The following ABCA4 variants were observed in gnomAD, a reference collection of about 807,000 sequenced individuals.
The protein encoded by ABCA4 is ATP binding cassette subfamily A member 4.
In ABCA4, 196 loss-of-function variants were observed where a neutral mutation model predicts 263.7. The observed-to-expected ratio is 0.74, with a 90% CI of 0.66 to 0.84. The LOEUF (loss-of-function observed/expected upper bound fraction) is 0.84. ABCA4 is among the 40% of genes least tolerant of loss of function. The pLI, the probability that ABCA4 is intolerant of heterozygous loss-of-function variation, is 0.00. For missense variants in ABCA4, 2,792 were observed against 2,855.1 expected, an observed-to-expected ratio of 0.98 and a Z score of 0.50; for synonymous variants, 1,133 against 1,094.2, an observed-to-expected ratio of 1.04 and a Z score of -0.70.
intron 11 of ABCA4, among the ~76,000 whole-genome samples, chr1:94,076,108 T>C (rs752767608): frequency 2.6e-5 from 4 of 152,194 alleles, no homozygotes; most frequent in African/African-American, 9.7e-5. Flanking sequence ...TTGTGTTTCT[T>C]CTTTTGGGGA....
chr1:94,113,197 A>G (rs1570434567), intron 1 of ABCA4, 131 bp from the exon 2 acceptor site: 3 of 832,398 alleles, frequency 3.6e-6, no homozygotes, highest in East Asian at 2.7e-5. Context: ...ATCTTTACCT[A>G]AACAGTTTCC....
chr1:94,001,280 G>A (rs1659173996), intron 45 of ABCA4, among the ~76,000 whole-genome samples, 175 bp from the exon 46 acceptor site: 1 of 152,188 alleles, frequency 6.6e-6, no homozygotes, highest in Admixed American at 6.5e-5. Context: ...GGCAGGAGGT[G>A]GATCCAAGAG....
At chr1:94,051,252 A>C (rs752899516) in intron 17 of ABCA4, among the ~76,000 whole-genome samples, 4 of 152,228 alleles carry the variant, frequency 2.6e-5, no homozygotes, top group Admixed American at 6.5e-5. Context: ...AGGCACAAGG[A>C]AGGCAATGGG....
rs12046206 is a variant in ABCA4 at position 94,099,333 on chromosome 1, G to A, written c.571-342C>T. 6.1e-4 allele frequency among the ~76,000 whole-genome samples: 93 copies of A among 152,306 alleles called. 1 individual carries two copies. In the East Asian group the frequency reaches 0.016, roughly 26 times the overall value. On this transcript the variant is annotated intron_variant, in intron 5 of 49. Transcript: ENST00000370225. Reference sequence around the variant, plus strand: ...GGCGTGTCTCTGGAGGCTGAAGGAGGCAGGAAAATGGATTTTTCTCTAGAA... The same window carrying A: ...GGCGTGTCTCTGGAGGCTGAAGGAGACAGGAAAATGGATTTTTCTCTAGAA...
rs566160638 is a variant in ABCA4 at position 94,057,179 on chromosome 1, T to A, written c.2161-357A>T. On this transcript the variant is annotated intron_variant, in intron 14 of 49. Transcript: ENST00000370225. ...GGACTTTCCACTTGAACCAATCAAATATTTGCTTTGTTTTTCTTTGTCTTG... is the reference window on the plus strand; with the variant it reads ...GGACTTTCCACTTGAACCAATCAAAAATTTGCTTTGTTTTTCTTTGTCTTG... 3.9e-5 allele frequency among the ~76,000 whole-genome samples: 6 copies of A among 152,276 alleles called. No homozygotes were observed. In the East Asian group the frequency reaches 1.2e-3, roughly 29 times the overall value.
rs781332563 is a variant in ABCA4, at chr1:94,042,878, A to G, written c.3211T>C (p.Ser1071Pro). Residue 1071 changes from serine to proline, a missense_variant, in exon 22 of 50, where the codon TCG becomes CCG. By Grantham distance (74) the Ser-to-Pro change is moderately conservative (BLOSUM62 -1). Coordinates refer to ENST00000370225, the MANE Select transcript of ABCA4 (RefSeq NM_000350.3). ...TCTCCCACAAAGGCAATGGCAACCG[A>G]CAGCTTTCTCTGCATGCCACCTGGA... Reference protein sequence around the residue: ...DLSGGMQRKLSVAIAFVGDAK... With the variant: ...DLSGGMQRKLPVAIAFVGDAK... 2.5e-6 allele frequency: 4 copies of G among 1,614,196 alleles called. No individual in the cohort carries two copies. The highest frequency in any genetic ancestry group is 3.4e-6 in the Non-Finnish European group (4 of 1,180,034).
chr1:94,029,307 G>T, intron 30 of ABCA4, 138 bp downstream of exon 30: 1 of 844,402 alleles, frequency 1.2e-6, no homozygotes, highest in Non-Finnish European at 1.8e-6. Context: ...CCCAGAGGGT[G>T]CAGGGAGTTT....
chr1:94,050,442 C>T (rs932250410), intron 17 of ABCA4, among the ~76,000 whole-genome samples: 3 of 152,144 alleles, frequency 2.0e-5, no homozygotes, highest in African/African-American at 7.2e-5. Flanking sequence ...CAGCTCTTTT[C>T]TGGTTTTAGA....
chr1:94,063,338 G>A (rs1219031042), intron 11 of ABCA4, 21 bp from the exon 12 acceptor site: 1 of 1,610,992 alleles, frequency 6.2e-7, no homozygotes, highest in Non-Finnish European at 8.5e-7. Flanking sequence ...TCACAAAGTT[G>A]AGAGAGTGTG....
At chr1:94,076,935 C>G (rs964811434) in intron 11 of ABCA4, among the ~76,000 whole-genome samples, 1 of 152,172 alleles carries the variant, frequency 6.6e-6, no homozygotes, top group Non-Finnish European at 1.5e-5. Context: ...AACTCAGGCA[C>G]CCCCAGAGCT....
chr1:94,092,054 A>C (rs1661983845), intron 6 of ABCA4, among the ~76,000 whole-genome samples: 1 of 152,264 alleles, frequency 6.6e-6, no homozygotes, highest in Admixed American at 6.5e-5. Context: ...ACCGCACATG[A>C]AATGTCTTAA....
intron 47 of ABCA4, among the ~76,000 whole-genome samples, chr1:94,000,586 A>C (rs534886835): frequency 2.8e-4 from 43 of 152,250 alleles, no homozygotes; most frequent in African/African-American, 8.7e-4. Context: ...CTCTGCATGC[A>C]TCCTGATCAG....
Position 94,098,882 on chromosome 1 carries a change from T to G in ABCA4, c.680A>C (p.Tyr227Ser). The stretch of plus-strand genomic sequence containing the variant: ...GCCCTGGGAGAGGGAGCACAGGGCA[T>G]AGCGCACCGTCTTTGCCCCGCGTCT... Reference protein sequence around the residue: ...SQRRGAKTVRYALCSLSQGTL... With the variant: ...SQRRGAKTVRSALCSLSQGTL... Residue 227 changes from tyrosine (Y) to serine (S), a missense_variant, in exon 6 of 50, where the codon TAT (tyrosine) becomes TCT (serine). By Grantham distance (144) the Tyr-to-Ser change is moderately radical. Transcript: ENST00000370225. The G allele has an allele frequency of 6.2e-7, 1 of 1,614,090 alleles. No homozygotes were observed. The highest frequency in any genetic ancestry group is 8.5e-7 in the Non-Finnish European group (1 of 1,180,018).
intron 4 of ABCA4, among the ~76,000 whole-genome samples, chr1:94,107,559 G>A (rs1662473460): frequency 6.6e-6 from 1 of 152,182 alleles, no homozygotes; most frequent in Non-Finnish European, 1.5e-5. Context: ...GGGGAGGAGA[G>A]ACACAGGAGA....
chr1:94,023,622 C>G (rs1188777224), intron 31 of ABCA4, among the ~76,000 whole-genome samples: 3 of 152,336 alleles, frequency 2.0e-5, no homozygotes, highest in South Asian at 2.1e-4. Flanking sequence ...ATGATTTCCC[C>G]CACTGGCTCT....
At chr1:93,997,059 G>A (rs748686860) in intron 48 of ABCA4, among the ~76,000 whole-genome samples, 6 of 152,160 alleles carry the variant, frequency 3.9e-5, no homozygotes, top group Non-Finnish European at 5.9e-5. Context: ...GAGTTCTATC[G>A]GGGATGGTGG....
Position 94,098,998 on chromosome 1 carries a change from G to A in ABCA4, c.571-7C>T. The A allele has an allele frequency of 6.2e-7, 1 of 1,602,712 alleles. No individual in the cohort carries two copies. The highest frequency in any genetic ancestry group is 1.1e-5 in the South Asian group (1 of 90,680). On this transcript the variant is annotated splice_polypyrimidine_tract_variant and splice_region_variant and intron_variant, in intron 5 of 49. Transcript: ENST00000370225. ...CCGGGACTCCATGAGCGAACTGCAG[G>A]GAGAAGAGGCAACACTAGAAACTGC...
At chr1:94,008,423 T>A in intron 41 of ABCA4, 126 bp from the exon 42 acceptor site, 1 of 970,564 alleles carries the variant, frequency 1.0e-6, no homozygotes, top group Non-Finnish European at 1.6e-6. Context: ...CATATTGACA[T>A]GGGCAGGCAC....
At chr1:94,030,402 T>C (rs751870294) in intron 29 of ABCA4, 26 bp downstream of exon 29, 33 of 1,610,590 alleles carry the variant, frequency 2.0e-5, no homozygotes, top group Non-Finnish European at 2.6e-5. Flanking sequence ...CTAGTCTTCT[T>C]AGGACAGGGG....
Sources: allele counts gnomAD v4.1 joint callset (sites outside exome capture counted in the v4.1 genomes callset), GRCh38; gene constraint gnomAD v4.1.1; transcripts MANE v1.5; gene names NCBI Gene and HGNC (gene_info 2026-07-23, HGNC 2026-07-21).